The following SRGAP1 variants were observed in gnomAD, a reference collection of about 807,000 sequenced individuals.
SRGAP1 encodes the protein SLIT-ROBO Rho GTPase activating protein 1.
A neutral mutation model predicts 121.9 loss-of-function variants in SRGAP1; 43 were observed. The observed-to-expected ratio is 0.35, with a 90% confidence interval of 0.28 to 0.46. The LOEUF (loss-of-function observed/expected upper bound fraction) is 0.46. SRGAP1 is among the 20% of genes least tolerant of loss of function. The pLI, the probability that SRGAP1 is intolerant of heterozygous loss-of-function variation, is 1.00. For synonymous variants in SRGAP1, 447 were observed against 485.4 expected (o/e 0.92, Z 1.04); for missense variants, 1,102 against 1,350.9 (o/e 0.82, Z 2.89).
At chr12:63,972,239 G>C (rs976573173) in intron 1 of SRGAP1, among the ~76,000 whole-genome samples, 4 of 152,182 alleles carry the variant, frequency 2.6e-5, no homozygotes, top group Non-Finnish European at 5.9e-5. Context: ...TAAGTGAAAT[G>C]ATCAGTGTTT....
intron 1 of SRGAP1, among the ~76,000 whole-genome samples, chr12:63,934,118 C>A (rs1176055015): frequency 6.6e-6 from 1 of 151,758 alleles, no homozygotes; most frequent in Non-Finnish European, 1.5e-5. Flanking sequence ...AGAGTGAAAA[C>A]CTTAACCTGA....
chr12:63,902,206 A>T (rs913530010), intron 1 of SRGAP1, among the ~76,000 whole-genome samples: 1 of 152,204 alleles, frequency 6.6e-6, no homozygotes, highest in African/African-American at 2.4e-5. Context: ...GTTTGTCTGA[A>T]ATAACCTTCC....
chr12:64,071,565 A>T (rs1484092223), intron 8 of SRGAP1, among the ~76,000 whole-genome samples: 1 of 152,162 alleles, frequency 6.6e-6, no homozygotes, highest in Non-Finnish European at 1.5e-5. Flanking sequence ...TGAGAAATTG[A>T]TTTGAGATCA....
rs1056409269 is a variant in SRGAP1, at chr12:64,144,744, T to G, written c.*2072T>G. On this transcript the variant is annotated 3_prime_UTR_variant, in exon 22 of 22. Transcript: ENST00000355086. ...TCAGCACCCTTGGACACCGTGGAGA[T>G]CCAGCCAAGACTGAGCTTTGAATAG... is the stretch of plus-strand genomic sequence containing the variant. 3.3e-5 allele frequency: 5 copies of G among 150,736 alleles called. No individual in the cohort carries two copies. The highest frequency in any genetic ancestry group is 2.0e-4 in the Admixed American group (3 of 15,034). The allele number at this position is 150,736 out of a possible 1,614,324, so 9.3% of individuals were successfully genotyped here.
At chr12:63,882,960 C>T (rs934685158) in intron 1 of SRGAP1, among the ~76,000 whole-genome samples, 5 of 152,090 alleles carry the variant, frequency 3.3e-5, no homozygotes, top group Non-Finnish European at 4.4e-5. Context: ...CCAAGATCAG[C>T]CTGGTCTCTG....
At chr12:63,942,386 A>G (rs2031900104) in intron 1 of SRGAP1, among the ~76,000 whole-genome samples, 1 of 152,226 alleles carries the variant, frequency 6.6e-6, no homozygotes, top group African/African-American at 2.4e-5. Flanking sequence ...ATAATTGTGA[A>G]TTAAAATATG....
At chr12:64,127,317 A>G (rs937318470) in intron 19 of SRGAP1, among the ~76,000 whole-genome samples, 1 of 152,222 alleles carries the variant, frequency 6.6e-6, no homozygotes, top group South Asian at 2.1e-4. Context: ...GATATTTCTT[A>G]AAATTCTAAC....
At chr12:64,065,972 T>G (rs1185502100) in intron 8 of SRGAP1, among the ~76,000 whole-genome samples, 1 of 152,256 alleles carries the variant, frequency 6.6e-6, no homozygotes, top group Non-Finnish European at 1.5e-5. Context: ...TTCAGCTGCC[T>G]ATTTCTGAAA....
At position 64,157,716 on chromosome 12, in the gene SRGAP1, G is replaced by A. The variant is rs2037174602; in HGVS notation, c.*15044G>A. 6.6e-6 allele frequency: 1 copy of A among 152,112 alleles called. No homozygotes were observed. The highest frequency in any genetic ancestry group is 1.5e-5 in the Non-Finnish European group (1 of 68,026). The allele number at this position is 152,112 out of a possible 1,614,324, so 9.4% of individuals were successfully genotyped here. A position where few individuals can be genotyped will look rare whatever the true frequency, so the allele number is the denominator to read the frequency against. ...TAGTAGTTAAATGTGGGGCTCTGTA[G>A]GCAATAGATCTAGGTCAGATACTGG... is the stretch of plus-strand genomic sequence containing the variant. On this transcript the variant is annotated 3_prime_UTR_variant, in exon 22 of 22. Transcript: ENST00000355086.
At chr12:63,899,505 A>G (rs951836120) in intron 1 of SRGAP1, among the ~76,000 whole-genome samples, 3 of 152,242 alleles carry the variant, frequency 2.0e-5, no homozygotes, top group Admixed American at 6.5e-5. Context: ...GAGAGACTCC[A>G]GCACAGCTAC....
chr12:63,872,128 C>T (rs993202995), intron 1 of SRGAP1: 13 of 485,510 alleles, frequency 2.7e-5, no homozygotes, highest in Admixed American at 6.7e-5. Flanking sequence ...CTCACCTAAC[C>T]GGGAGTTTTT....
chr12:63,886,226 A>G (rs1018555683), intron 1 of SRGAP1, among the ~76,000 whole-genome samples: 4 of 151,786 alleles, frequency 2.6e-5, no homozygotes, highest in African/African-American at 9.7e-5. Flanking sequence ...ACGCCTGTCT[A>G]ATTTTTTGTA....
intron 8 of SRGAP1, among the ~76,000 whole-genome samples, chr12:64,073,140 T>C (rs1474940926): frequency 1.3e-5 from 2 of 152,162 alleles, no homozygotes; most frequent in Non-Finnish European, 2.9e-5. Flanking sequence ...TGTCAGAAGC[T>C]CGTGTTACTG....
intron 4 of SRGAP1, chr12:64,038,454 T>G (rs1250710523): frequency 6.6e-6 from 1 of 152,172 alleles, no homozygotes; most frequent in Non-Finnish European, 1.5e-5. Flanking sequence ...GATCCGTGTC[T>G]TCTAACTTTT....
At chr12:64,131,981 C>A (rs916867304) in intron 21 of SRGAP1, among the ~76,000 whole-genome samples, 3 of 152,060 alleles carry the variant, frequency 2.0e-5, no homozygotes, top group African/African-American at 4.8e-5. Flanking sequence ...TCAAGACCAG[C>A]CTGACCAATA....
At chr12:64,110,123 A>G (rs1375779659) in intron 16 of SRGAP1, among the ~76,000 whole-genome samples, 1 of 152,172 alleles carries the variant, frequency 6.6e-6, no homozygotes, top group African/African-American at 2.4e-5. Context: ...CTTTAAGGAA[A>G]CACACTCACT....
At chr12:63,878,780 G>A (rs1900104159) in intron 1 of SRGAP1, 1 of 152,216 alleles carries the variant, frequency 6.6e-6, no homozygotes. Context: ...TAGCTGCAAA[G>A]TCCTTGGCTG....
intron 1 of SRGAP1, among the ~76,000 whole-genome samples, chr12:63,870,196 TA>T (rs1456152948): frequency 6.6e-6 from 1 of 152,232 alleles, no homozygotes; most frequent in Non-Finnish European, 1.5e-5. Flanking sequence ...GTTCAACAAT[TA>T]TGTGCTAACA....
chr12:63,936,370 T>C (rs753902062), intron 1 of SRGAP1, among the ~76,000 whole-genome samples: 1 of 152,180 alleles, frequency 6.6e-6, no homozygotes, highest in Non-Finnish European at 1.5e-5. Context: ...AGAGCCCCAA[T>C]TTTCTTCAGT....
Sources: allele counts gnomAD v4.1 joint callset (sites outside exome capture counted in the v4.1 genomes callset), GRCh38; gene constraint gnomAD v4.1.1; transcripts MANE v1.5; gene names NCBI Gene and HGNC (gene_info 2026-07-23, HGNC 2026-07-21).